The following CPA6 variants were observed in gnomAD, a reference collection of about 807,000 sequenced individuals.
CPA6 encodes the protein carboxypeptidase B.
In CPA6, 58 loss-of-function variants were observed where a neutral mutation model predicts 63.3. That is an observed-to-expected ratio of 0.92 (90% CI 0.74 to 1.14). The LOEUF (loss-of-function observed/expected upper bound fraction) is 1.14, where lower values mean the gene tolerates loss of function less well. CPA6 is among the 50% of genes most tolerant of loss of function. CPA6 has a pLI of 0.00. For synonymous variants in CPA6, 185 were observed against 179.0 expected (o/e 1.03, Z -0.27); for missense variants, 565 against 526.6 (o/e 1.07, Z -0.71).
intron 1 of CPA6, among the ~76,000 whole-genome samples, chr8:67,739,495 T>C (rs1309445341): frequency 2.0e-5 from 3 of 152,200 alleles, no homozygotes; most frequent in Non-Finnish European, 4.4e-5. Flanking sequence ...ACCAAGGACA[T>C]GTCCTTTGTA....
intron 8 of CPA6, among the ~76,000 whole-genome samples, chr8:67,448,639 G>GAAAAAAAAAAAAAAAAAAAAAAA (rs61317091): frequency 4.7e-4 from 11 of 23,298 alleles, no homozygotes; most frequent in African/African-American, 6.7e-4. Flanking sequence ...CTCAAAAAAG[G>GAAAAAAAAAAAAAAAAAAAAAAA]AAAAAAAAAA....
chr8:67,705,177 G>A (rs1403118219), intron 1 of CPA6, among the ~76,000 whole-genome samples: 4 of 152,116 alleles, frequency 2.6e-5, no homozygotes, highest in African/African-American at 9.7e-5. Flanking sequence ...AAAAAGTTCC[G>A]CACAGCTTGC....
chr8:67,728,173 C>T (rs1481305755), intron 1 of CPA6, among the ~76,000 whole-genome samples: 2 of 150,010 alleles, frequency 1.3e-5, no homozygotes, highest in Admixed American at 6.6e-5. Context: ...AAACTATTAT[C>T]TGTCCTTTGG....
At chr8:67,590,566 T>C (rs2128980871) in intron 2 of CPA6, among the ~76,000 whole-genome samples, 1 of 152,186 alleles carries the variant, frequency 6.6e-6, no homozygotes, top group African/African-American at 2.4e-5. Context: ...TTCCTGACTT[T>C]TTAATGATTG....
chr8:67,624,741 T>C (rs1815158746), intron 1 of CPA6, among the ~76,000 whole-genome samples: 1 of 152,208 alleles, frequency 6.6e-6, no homozygotes, highest in Admixed American at 6.5e-5. Flanking sequence ...CCCATCTCTA[T>C]GGGGCATCTC....
At chr8:67,505,873 C>T (rs78791677) in intron 6 of CPA6, among the ~76,000 whole-genome samples, 1,685 of 152,058 alleles carry the variant, frequency 0.011, 39 homozygotes, top group African/African-American at 0.037. Context: ...AAAATATAAC[C>T]GATATACTTA....
chr8:67,578,173 T>G (rs1813675420), intron 2 of CPA6, among the ~76,000 whole-genome samples: 1 of 152,192 alleles, frequency 6.6e-6, no homozygotes, highest in Non-Finnish European at 1.5e-5. Context: ...TGACCTTTGT[T>G]CTAAAATATG....
At chr8:67,713,099 G>GTGTA (rs1328463977) in intron 1 of CPA6, among the ~76,000 whole-genome samples, 60 of 55,016 alleles carry the variant, frequency 1.1e-3, no homozygotes, top group African/African-American at 2.2e-3. Flanking sequence ...GTGTGTGTGT[G>GTGTA]TATATATATA....
chr8:67,596,715 T>C (rs1372090752), intron 2 of CPA6, among the ~76,000 whole-genome samples: 1 of 152,202 alleles, frequency 6.6e-6, no homozygotes, highest in Admixed American at 6.5e-5. Flanking sequence ...ATACCACTAA[T>C]GTTCTTTTTC....
At chr8:67,599,994 AAC>A (rs1294171263) in intron 2 of CPA6, among the ~76,000 whole-genome samples, 1 of 152,206 alleles carries the variant, frequency 6.6e-6, no homozygotes, top group Admixed American at 6.5e-5. Flanking sequence ...TTTTGATAAC[AAC>A]AGTTATCAAA....
chr8:67,576,331 T>TA (rs1007942562), intron 2 of CPA6, among the ~76,000 whole-genome samples: 6 of 152,054 alleles, frequency 3.9e-5, no homozygotes, highest in South Asian at 2.1e-4. Context: ...TGTATATAAT[T>TA]AAAAAAAACA....
At chr8:67,592,623 T>C (rs905074771) in intron 2 of CPA6, among the ~76,000 whole-genome samples, 13 of 151,938 alleles carry the variant, frequency 8.6e-5, no homozygotes, top group Non-Finnish European at 1.6e-4. Context: ...TGGGAGAGTG[T>C]ATGTGTCGAG....
intron 6 of CPA6, among the ~76,000 whole-genome samples, chr8:67,487,750 C>T (rs1404879961): frequency 6.6e-6 from 1 of 152,208 alleles, no homozygotes; most frequent in African/African-American, 2.4e-5. Context: ...GATCACCATT[C>T]TAACTGGTGT....
At chr8:67,475,280 G>C (rs1441361606) in intron 8 of CPA6, among the ~76,000 whole-genome samples, 1 of 152,168 alleles carries the variant, frequency 6.6e-6, no homozygotes. Context: ...CTATGATGAG[G>C]ATAAAAGGCC....
At chr8:67,570,618 C>A (rs189305422) in intron 2 of CPA6, among the ~76,000 whole-genome samples, 1 of 152,102 alleles carries the variant, frequency 6.6e-6, no homozygotes, top group African/African-American at 2.4e-5. Flanking sequence ...TAAGCTGTTA[C>A]CAGCTTGAAA....
At chr8:67,624,274 T>C in intron 1 of CPA6, 23 bp from the exon 2 acceptor site, 4 of 1,282,362 alleles carry the variant, frequency 3.1e-6, no homozygotes, top group Non-Finnish European at 4.5e-6. Flanking sequence ...AAAAGAAAGA[T>C]GATAATTACT....
intron 1 of CPA6, among the ~76,000 whole-genome samples, chr8:67,652,085 A>G (rs1000070241): frequency 1.3e-5 from 2 of 152,104 alleles, no homozygotes; most frequent in African/African-American, 4.8e-5. Context: ...ATCATTTTTT[A>G]TGGCTGCATA....
In CPA6 at chr8:67,677,400, T is replaced by C. The variant is rs948288338; in HGVS notation, c.117-53149A>G. ...AAAAGGGGAAGATATTGTTCTGGGA[T>C]CCAGAATTGGAAGTTGACTTCATTT... is the stretch of plus-strand genomic sequence containing the variant. On this transcript the variant is annotated intron_variant, in intron 1 of 10. Coordinates refer to ENST00000297770, the MANE Select transcript of CPA6 (RefSeq NM_020361.5). Among the ~76,000 whole-genome samples the C allele has an allele frequency of 5.4e-5, 8 of 148,908 alleles. No individual in the cohort carries two copies. In the Admixed American group the frequency reaches 5.4e-4, roughly 10 times the overall value.
intron 1 of CPA6, among the ~76,000 whole-genome samples, chr8:67,655,940 A>G (rs186851298): frequency 5.3e-4 from 81 of 152,226 alleles, no homozygotes; most frequent in African/African-American, 1.8e-3. Flanking sequence ...TTCCAAGGTT[A>G]CATCTTACCT....
Sources: gnomAD v4.1 joint callset for allele counts (sites outside exome capture counted in the v4.1 genomes callset) on GRCh38, gnomAD v4.1.1 for gene constraint, MANE v1.5 for transcripts, NCBI Gene and HGNC (gene_info 2026-07-23, HGNC 2026-07-21) for gene names.